The following AP1M1 variants were observed in gnomAD, a reference collection of about 807,000 sequenced individuals.
The protein encoded by AP1M1 is AP-1 complex subunit mu-1.
A neutral mutation model predicts 57.1 loss-of-function variants in AP1M1; 18 were observed. That is an observed-to-expected ratio of 0.32 (90% CI 0.22 to 0.47). The LOEUF is 0.47. AP1M1 is among the 20% of genes least tolerant of loss of function. The pLI, the probability that AP1M1 is intolerant of heterozygous loss-of-function variation, is 1.00. For synonymous variants in AP1M1, 241 were observed against 237.9 expected, an observed-to-expected ratio of 1.01 and a Z score of -0.12; for missense variants, 362 against 593.5, an observed-to-expected ratio of 0.61 and a Z score of 4.05.
At chr19:16,221,423 G>C (rs1338955194) in intron 5 of AP1M1, among the ~76,000 whole-genome samples, 1 of 152,248 alleles carries the variant, frequency 6.6e-6, no homozygotes, top group Admixed American at 6.5e-5. Context: ...CCCTTATGCA[G>C]CTTGTCCCTG....
rs1166533463 is a variant in AP1M1, at chr19:16,234,451, A to G, written c.*16A>G. ...GACCCAGTGAGGGGCTGTCGCAGCC[A>G]ACACCCCGGCCTCGGGGCTCCTGGT... On this transcript the variant is annotated 3_prime_UTR_variant, in exon 12 of 12. Transcript: ENST00000291439. 6.2e-7 allele frequency: 1 copy of G among 1,613,368 alleles called. No individual in the cohort carries two copies. The highest frequency in any genetic ancestry group is 8.5e-7 in the Non-Finnish European group (1 of 1,179,872).
At position 16,227,554 on chromosome 19, in the gene AP1M1, A is replaced by G; in HGVS notation, c.680A>G (p.Lys227Arg). 9 of 1,613,722 alleles carry G rather than the reference A, an allele frequency of 5.6e-6. No individual in the cohort carries two copies. The highest frequency in any genetic ancestry group is 6.8e-6 in the Non-Finnish European group (8 of 1,179,730). Residue 227 changes from lysine (K) to arginine (R), a missense_variant, in exon 7 of 12, where the codon AAA (lysine) becomes AGA (arginine). This residue lies in a region of AP1M1 where 337 missense variants were observed against 511.1 expected (regional missense o/e 0.66). Transcript: ENST00000291439. This position sits in a 1 kb window ranked among gnomAD's most constrained non-coding sequence, Gnocchi z 6.2. The part of the protein sequence containing the change: ...KVLFDNTGRG[K>R]SKSVELEDVK... ...CCCTCACCCCTGACCCCAGGCGGCA[A>G]AAGCAAATCCGTGGAGCTGGAGGAT...
At position 16,245,159 on chromosome 19, in the gene AP1M1, G is replaced by GTGC. The variant is rs2091659519; in HGVS notation, c.*10727_*10729dup. The GTGC allele has an allele frequency of 6.6e-6, 1 of 152,130 alleles. No homozygotes were observed. Among genetic ancestry groups the GTGC allele is most frequent in the South Asian group, 2.1e-4 (1 of 4,822 alleles). 9.4% of individuals were successfully genotyped at this position (152,130 alleles called of 1,614,324 possible). A position where few individuals can be genotyped will look rare whatever the true frequency, so the allele number is the denominator to read the frequency against. On this transcript the variant is annotated 3_prime_UTR_variant, in exon 12 of 12. Coordinates refer to ENST00000291439, the MANE Select transcript of AP1M1 (RefSeq NM_032493.4). ...GATCCGCCCGCCTCGGCCTCCCAAA[G>GTGC]TGCTGGGATTACAGGCATGAGCCAC...
intron 5 of AP1M1, among the ~76,000 whole-genome samples, chr19:16,211,593 T>C (rs1268880408): frequency 2.0e-5 from 3 of 151,972 alleles, no homozygotes; most frequent in Non-Finnish European, 4.4e-5. Context: ...CTACTAAAAA[T>C]AGGAAAATTA....
rs1481512928 is a variant in AP1M1 at position 16,205,602 on chromosome 19, C to T, written c.200-739C>T. ...CCAGGCAGCACAGATGTGCCATGAA[C>T]AGGGATGTCCAGGGTGCAGTGCATG... On this transcript the variant is annotated intron_variant, in intron 2 of 11. Transcript: ENST00000291439. 2.0e-5 allele frequency among the ~76,000 whole-genome samples: 3 copies of T among 152,128 alleles called. No individual in the cohort carries two copies. The East Asian group carries it at 5.8e-4, about 29-fold the overall frequency.
chr19:16,208,862 G>T (rs908768811), intron 4 of AP1M1, 168 bp from the exon 5 acceptor site: 9 of 726,370 alleles, frequency 1.2e-5, no homozygotes, highest in Non-Finnish European at 1.3e-5. Flanking sequence ...GCAGCCCCAG[G>T]TGAACCAGAG....
In AP1M1 at chr19:16,208,001, C is replaced by A. The variant is rs8099949; in HGVS notation, c.268-18C>A. The A allele has an allele frequency of 5.6e-3, 9,002 of 1,604,442 alleles. 437 individuals carry two copies. In the African/African-American group the frequency reaches 0.11, roughly 19 times the overall value. ...ATGATCTGCCTCCCATTCCTCCCTC[C>A]CTCCCCAACCGCCACAGGTGTTTTC... On this transcript the variant is annotated intron_variant, in intron 3 of 11. Coordinates refer to ENST00000291439, the MANE Select transcript of AP1M1 (RefSeq NM_032493.4).
chr19:16,198,271 C>T, intron 1 of AP1M1: 3 of 397,238 alleles, frequency 7.6e-6, no homozygotes, highest in Admixed American at 9.3e-5. Context: ...CGCCCTGTTG[C>T]TACGTAACGC....
chr19:16,227,683 A>T lies in AP1M1; in HGVS notation c.809A>T (p.Asn270Ile), dbSNP rs748254657. Residue 270 changes from asparagine (N) to isoleucine (I), a missense_variant, in exon 7 of 12, where the codon AAC becomes ATC. Around this residue, in one of 2 missense-constraint regions of AP1M1, gnomAD observed 337 missense variants for 511.1 expected, o/e 0.66. Transcript: ENST00000291439. The surrounding 1 kb of genome is among the most constrained non-coding windows in gnomAD (Gnocchi z 6.2). ...GEFELMSYRL[N>I]THVKPLIWIE... ...TTCGAGCTCATGTCCTACCGTCTCA[A>T]CACCCACGTGAGTGCGCCACCCTGG... 4.3e-6 allele frequency: 7 copies of T among 1,613,592 alleles called. No homozygotes were observed. The South Asian group carries it at 7.7e-5, about 18-fold the overall frequency.
chr19:16,234,031 A>C, intron 10 of AP1M1, 168 bp from the exon 11 acceptor site: 1 of 664,126 alleles, frequency 1.5e-6, no homozygotes, highest in Non-Finnish European at 2.5e-6. Context: ...CTGCCCTCCC[A>C]CACATTTGCA....
At position 16,227,538 on chromosome 19, in the gene AP1M1, C is replaced by T; in HGVS notation, c.674-10C>T. 1 of 1,613,504 alleles carries T rather than the reference C, an allele frequency of 6.2e-7. No homozygotes were observed. Among genetic ancestry groups the T allele is most frequent in the East Asian group, 2.2e-5 (1 of 44,858 alleles). On this transcript the variant is annotated splice_polypyrimidine_tract_variant and intron_variant, in intron 6 of 11. Coordinates refer to ENST00000291439, the MANE Select transcript of AP1M1 (RefSeq NM_032493.4). This position sits in a 1 kb window ranked among gnomAD's most constrained non-coding sequence, Gnocchi z 6.2. ...GCCCAGATCTGTCCTACCCTCACCC[C>T]TGACCCCAGGCGGCAAAAGCAAATC...
rs2091650525 is a variant in AP1M1, at chr19:16,242,940, T to C, written c.*8505T>C. On this transcript the variant is annotated 3_prime_UTR_variant, in exon 12 of 12. Coordinates refer to ENST00000291439, the MANE Select transcript of AP1M1 (RefSeq NM_032493.4). ...GGCTAAATTTTTTTATTTTTGTATT[T>C]TTTTTATTTTTAGTAGAGACAGGGT... 6.6e-6 allele frequency: 1 copy of C among 152,170 alleles called. No homozygotes were observed. Among genetic ancestry groups the C allele is most frequent in the Non-Finnish European group, 1.5e-5 (1 of 68,050 alleles). The allele number at this position is 152,170 out of a possible 1,614,324, so 9.4% of individuals were successfully genotyped here.
In AP1M1 at chr19:16,228,930, T is replaced by C; in HGVS notation, c.1047+2T>C. 6.2e-7 allele frequency: 1 copy of C among 1,613,530 alleles called. No individual in the cohort carries two copies. Among genetic ancestry groups the C allele is most frequent in the Non-Finnish European group, 8.5e-7 (1 of 1,179,740 alleles). ...GTGTGGTCCATCAAGTCCTTCCCGG[T>C]GAGCACTCTGTCCAGACATCCACGT... On this transcript the variant is annotated splice_donor_variant, in intron 9 of 11. Transcript: ENST00000291439. LOFTEE classifies it high-confidence loss of function. This position sits in a 1 kb window ranked among gnomAD's most constrained non-coding sequence, Gnocchi z 5.0.
intron 1 of AP1M1, among the ~76,000 whole-genome samples, chr19:16,200,241 CT>C (rs958123378): frequency 5.9e-5 from 9 of 152,292 alleles, no homozygotes; most frequent in African/African-American, 1.9e-4. Flanking sequence ...TCAACCTCAT[CT>C]TTAGCCAGTG....
chr19:16,215,239 T>G, intron 5 of AP1M1, among the ~76,000 whole-genome samples: 4 of 69,376 alleles, frequency 5.8e-5, no homozygotes, highest in African/African-American at 1.4e-4. Flanking sequence ...GGGGAGGGGA[T>G]CACCTGAGGT....
intron 5 of AP1M1, among the ~76,000 whole-genome samples, chr19:16,226,157 G>C (rs925578435): frequency 1.3e-5 from 2 of 152,146 alleles, no homozygotes; most frequent in Non-Finnish European, 2.9e-5. Context: ...GACCCACAGT[G>C]TCCACCTCAT....
At chr19:16,230,615 G>A (rs2091591840) in intron 9 of AP1M1, among the ~76,000 whole-genome samples, 1 of 152,132 alleles carries the variant, frequency 6.6e-6, no homozygotes, top group Non-Finnish European at 1.5e-5. Flanking sequence ...TGGCCAAGCT[G>A]GTGACGAACT....
rs1399746154 is a variant in AP1M1 at position 16,233,496 on chromosome 19, G to A, written c.1051G>A (p.Gly351Ser). ...GCCTCCCCCGTCTGCTCCCCAGGGC[G>A]GCAAGGAGTACCTGATGCGGGCCCA... Reference protein sequence around the residue: ...IVWSIKSFPGGKEYLMRAHFG... With the variant: ...IVWSIKSFPGSKEYLMRAHFG... The change falls in exon 10 of 12, where the codon GGC (glycine) becomes AGC (serine). Residue 351 changes from glycine (G) to serine (S), a missense_variant. Physicochemically the swap from Gly to Ser is moderately conservative, Grantham distance 56 (BLOSUM62 0). This residue lies in a region of AP1M1 where 337 missense variants were observed against 511.1 expected (regional missense o/e 0.66). Transcript: ENST00000291439. 5.0e-6 allele frequency: 8 copies of A among 1,600,998 alleles called. No homozygotes were observed. The highest frequency in any genetic ancestry group is 4.5e-5 in the East Asian group (2 of 44,526).
chr19:16,233,225 G>T (rs1176255361), intron 9 of AP1M1, among the ~76,000 whole-genome samples: 1 of 152,240 alleles, frequency 6.6e-6, no homozygotes, highest in Non-Finnish European at 1.5e-5. Flanking sequence ...ACTGGCAGGG[G>T]CTTGGTGACT....
Sources: allele counts gnomAD v4.1 joint callset (sites outside exome capture counted in the v4.1 genomes callset), GRCh38; gene constraint gnomAD v4.1.1; regional missense constraint gnomAD v4.1.1; non-coding constraint Gnocchi (gnomAD v3.1); transcripts MANE v1.5; gene names NCBI Gene and HGNC (gene_info 2026-07-23, HGNC 2026-07-21).